The following BAZ1B variants were observed in gnomAD, a reference collection of about 807,000 sequenced individuals.
BAZ1B encodes the protein tyrosine-protein kinase BAZ1B.
A neutral mutation model predicts 153.8 loss-of-function variants in BAZ1B; 22 were observed. The observed-to-expected ratio is 0.14, with a 90% confidence interval of 0.10 to 0.20. The LOEUF (loss-of-function observed/expected upper bound fraction) is 0.20, where lower values mean the gene tolerates loss of function less well. Among genes scored for constraint, BAZ1B ranks in the 10% least tolerant of loss-of-function variants. The pLI is 1.00. For synonymous variants in BAZ1B, 676 were observed against 633.4 expected (o/e 1.07, Z -1.01); for missense variants, 1,325 against 1,799.3 (o/e 0.74, Z 4.77).
chr7:73,478,410 G>A lies in BAZ1B; in HGVS notation c.1051C>T (p.Leu351Phe), dbSNP rs374422925. 1 of 1,612,382 alleles carries A rather than the reference G, an allele frequency of 6.2e-7. No homozygotes were observed. Among genetic ancestry groups the A allele is most frequent in the Admixed American group, 1.7e-5 (1 of 59,558 alleles). ...GAATTCTTTGAGTTCTTCACTTTGA[G>A]TGGCGAGCCACTCAATGACTTCTTC... ...HLKKSLSGSPLKVKNSKNSKS... is the reference protein window; with the variant it reads ...HLKKSLSGSPFKVKNSKNSKS... The change falls in exon 7 of 20, where the codon CTC becomes TTC. Residue 351 changes from leucine to phenylalanine, a missense_variant. Transcript: ENST00000339594.
chr7:73,468,285 C>T (rs1554571488), intron 9 of BAZ1B, among the ~76,000 whole-genome samples: 5 of 152,076 alleles, frequency 3.3e-5, no homozygotes. Context: ...ATGTATCTGG[C>T]AGGATTTAGA....
At position 73,442,792 on chromosome 7, in the gene BAZ1B, G is replaced by A. The variant is rs781925912; in HGVS notation, c.4027C>T (p.Leu1343=). The stretch of plus-strand genomic sequence containing the variant: ...ATCTCTTCACACTTCTGCAGCTCCA[G>A]GCTTTGCCTCCGGGAGCTCCGCTTG... ...QTKRSSRRQS[L]ELQKCEEILH... The change falls in exon 18 of 20, where the codon CTG becomes TTG. Residue 1343 remains leucine, a synonymous_variant. Transcript: ENST00000339594. The A allele has an allele frequency of 9.9e-6, 16 of 1,614,030 alleles. 1 individual carries two copies. The South Asian group carries it at 1.8e-4, about 18-fold the overall frequency.
rs1209928907 is a variant in BAZ1B at position 73,470,628 on chromosome 7, G to A, written c.2594-145C>T. 4 of 982,350 alleles carry A rather than the reference G, an allele frequency of 4.1e-6. No homozygotes were observed. The Middle Eastern group carries it at 8.0e-4, about 198-fold the overall frequency. The allele number at this position is 982,350 out of a possible 1,614,324, so 60.9% of individuals were successfully genotyped here. A position where few individuals can be genotyped will look rare whatever the true frequency, so the allele number is the denominator to read the frequency against. On this transcript the variant is annotated intron_variant, in intron 7 of 19. Transcript: ENST00000339594. ...TTTCTCTAATTCTAATCTGTTACAA[G>A]AAATTACATGTAAGGCAGCAACATC...
chr7:73,469,650 T>G lies in BAZ1B; in HGVS notation c.2733A>C (p.Arg911Ser). Residue 911 changes from arginine (R) to serine (S), a missense_variant and splice_region_variant, in exon 9 of 20, where the codon AGA becomes AGC. By Grantham distance (110) the Arg-to-Ser change is moderately radical (BLOSUM62 -1). Coordinates refer to ENST00000339594, the MANE Select transcript of BAZ1B (RefSeq NM_032408.4). ...TPIGTDRNHN[R>S]YWLFSDEVPG... Reference sequence around the variant, plus strand: ...GAACTTCATCTGAGAAGAGCCAGTATCTACAAATCACAACCAGTATTAATA... The same window carrying G: ...GAACTTCATCTGAGAAGAGCCAGTAGCTACAAATCACAACCAGTATTAATA... 1.2e-6 allele frequency: 2 copies of G among 1,614,042 alleles called. No homozygotes were observed. Among genetic ancestry groups the G allele is most frequent in the Non-Finnish European group, 1.7e-6 (2 of 1,179,942 alleles).
intron 12 of BAZ1B, among the ~76,000 whole-genome samples, chr7:73,461,315 A>G (rs1361724854): frequency 6.6e-6 from 1 of 152,226 alleles, no homozygotes; most frequent in African/African-American, 2.4e-5. Flanking sequence ...TAATTTAAAA[A>G]TAAAAAGAAA....
At chr7:73,500,168 A>C (rs1358335392) in intron 3 of BAZ1B, among the ~76,000 whole-genome samples, 5 of 152,194 alleles carry the variant, frequency 3.3e-5, no homozygotes, top group Non-Finnish European at 5.9e-5. Context: ...AATTATAGAT[A>C]TATTTAAGGT....
intron 1 of BAZ1B, among the ~76,000 whole-genome samples, chr7:73,521,416 T>C (rs1199992277): frequency 2.0e-5 from 3 of 152,166 alleles, no homozygotes; most frequent in South Asian, 2.1e-4. Flanking sequence ...AAGCTGCAGG[T>C]TTCATTTAAA....
intron 16 of BAZ1B, among the ~76,000 whole-genome samples, chr7:73,446,789 C>T (rs1787854207): frequency 6.6e-6 from 1 of 152,106 alleles, no homozygotes; most frequent in African/African-American, 2.4e-5. Context: ...AATAATCAGT[C>T]GTCTCTTTTC....
chr7:73,441,982 G>A (rs1554565130), intron 19 of BAZ1B, 199 bp downstream of exon 19: 3 of 568,118 alleles, frequency 5.3e-6, no homozygotes, highest in Admixed American at 6.4e-5. Context: ...GGAGGGTTAT[G>A]GCCCTCTTTG....
At chr7:73,464,947 T>G (rs1174112770) in intron 11 of BAZ1B, among the ~76,000 whole-genome samples, 1 of 152,088 alleles carries the variant, frequency 6.6e-6, no homozygotes, top group Non-Finnish European at 1.5e-5. Context: ...TTGCCCAGGC[T>G]GGTCTCAAAA....
Position 73,477,116 on chromosome 7 carries a change from G to A in BAZ1B, c.2345C>T (p.Ala782Val), listed in dbSNP as rs1554572920. The A allele has an allele frequency of 3.1e-6, 5 of 1,614,030 alleles. No homozygotes were observed. Among genetic ancestry groups the A allele is most frequent in the Non-Finnish European group, 4.2e-6 (5 of 1,180,014 alleles). The change falls in exon 7 of 20, where the codon GCT becomes GTT. Residue 782 changes from alanine to valine, a missense_variant. Ala to Val is a moderately conservative substitution (Grantham distance 64). Transcript: ENST00000339594. This position sits in a 1 kb window ranked among gnomAD's most constrained non-coding sequence, Gnocchi z 5.6. ...MSAELWKERL[A>V]VLKEENDKKR... Reference sequence around the variant, plus strand: ...CTTATCATTTTCTTCCTTCAACACAGCAAGCCGTTCCTTCCACAACTCTGC... The same window carrying A: ...CTTATCATTTTCTTCCTTCAACACAACAAGCCGTTCCTTCCACAACTCTGC...
At chr7:73,473,508 G>A (rs1365891226) in intron 7 of BAZ1B, among the ~76,000 whole-genome samples, 2 of 151,986 alleles carry the variant, frequency 1.3e-5, no homozygotes, top group African/African-American at 2.4e-5. Context: ...GAGCCAGATC[G>A]CACCATTGCA....
intron 10 of BAZ1B, 130 bp from the exon 11 acceptor site, chr7:73,465,667 T>C (rs1788556610): frequency 3.8e-6 from 2 of 524,908 alleles, no homozygotes; most frequent in Admixed American, 3.6e-5. Context: ...CACAATCTAC[T>C]ATCTAGAAGT....
chr7:73,443,920 C>T, intron 17 of BAZ1B, 64 bp downstream of exon 17: 1 of 1,605,482 alleles, frequency 6.2e-7, no homozygotes, highest in Admixed American at 1.7e-5. Flanking sequence ...TGATGAATTC[C>T]TAATTGCTGG....
intron 1 of BAZ1B, among the ~76,000 whole-genome samples, chr7:73,514,863 C>T (rs1021904484): frequency 6.6e-6 from 1 of 151,622 alleles, no homozygotes; most frequent in African/African-American, 2.4e-5. Flanking sequence ...GGGTGGATCA[C>T]GAGGTTAGGA....
chr7:73,456,499 A>G (rs1331626599), intron 13 of BAZ1B, among the ~76,000 whole-genome samples: 2 of 152,256 alleles, frequency 1.3e-5, no homozygotes, highest in African/African-American at 4.8e-5. Context: ...ACTTGAATAT[A>G]TATTTCTCCA....
intron 3 of BAZ1B, among the ~76,000 whole-genome samples, chr7:73,502,677 T>C (rs553033645): frequency 2.2e-4 from 34 of 151,444 alleles, no homozygotes; most frequent in East Asian, 5.8e-4. Context: ...ACTTGGGAGA[T>C]TGAGGTGGGA....
At chr7:73,498,116 C>T (rs995693851) in intron 4 of BAZ1B, among the ~76,000 whole-genome samples, 2 of 152,176 alleles carry the variant, frequency 1.3e-5, no homozygotes, top group Admixed American at 1.3e-4. Flanking sequence ...CCCACCACCA[C>T]AAGCCGCTAA....
intron 7 of BAZ1B, among the ~76,000 whole-genome samples, chr7:73,470,804 C>T (rs1357082190): frequency 6.6e-6 from 1 of 152,086 alleles, no homozygotes; most frequent in African/African-American, 2.4e-5. Context: ...GGTGCGATCT[C>T]GGCTCACTGC....
Sources: allele counts gnomAD v4.1 joint callset (sites outside exome capture counted in the v4.1 genomes callset), GRCh38; gene constraint gnomAD v4.1.1; non-coding constraint Gnocchi (gnomAD v3.1); transcripts MANE v1.5; gene names NCBI Gene and HGNC (gene_info 2026-07-23, HGNC 2026-07-21).